The following ZNF208 variants were observed in gnomAD, a reference collection of about 807,000 sequenced individuals.
ZNF208 encodes zinc finger protein 208.
ZNF208 carries 10 observed loss-of-function variants against 12.1 expected under a neutral mutation model. That is an observed-to-expected ratio of 0.83 (90% CI 0.51 to 1.40). The LOEUF is 1.40. Ranked by LOEUF, ZNF208 falls within the 40% of genes most tolerant of loss-of-function variation. The pLI is 0.00. For synonymous variants in ZNF208, 497 were observed against 488.4 expected (o/e 1.02, Z -0.23); for missense variants, 1,652 against 1,485.0 (o/e 1.11, Z -1.85).
rs1431924028 is a variant in ZNF208, at chr19:21,960,667, A to G, written c.305+14062T>C. ...GTCACCCCACCTATCCTGAATGTCA[A>G]GAACATCCTGAATGAGACCAGTCAG... On this transcript the variant is annotated intron_variant, in intron 4 of 4. Transcript: ENST00000599916. 8.5e-5 allele frequency among the ~76,000 whole-genome samples: 13 copies of G among 152,276 alleles called. No individual in the cohort carries two copies. In the East Asian group the frequency reaches 2.5e-3, roughly 29 times the overall value.
chr19:21,953,977 T>C (rs1969931402), intron 4 of ZNF208, among the ~76,000 whole-genome samples: 1 of 152,242 alleles, frequency 6.6e-6, no homozygotes, highest in Admixed American at 6.5e-5. Flanking sequence ...CATTTAGTGC[T>C]ATAAATTTCC....
intron 1 of ZNF208, chr19:21,991,884 T>C (rs1454148972): frequency 1.3e-5 from 2 of 151,786 alleles, no homozygotes; most frequent in Admixed American, 6.6e-5. Flanking sequence ...ATCCTGTTAA[T>C]GCAGATTTTT....
At chr19:21,951,696 A>G (rs1312417724) in intron 4 of ZNF208, among the ~76,000 whole-genome samples, 1 of 152,242 alleles carries the variant, frequency 6.6e-6, no homozygotes, top group Non-Finnish European at 1.5e-5. Context: ...ATGGCCAAAT[A>G]GGAAGAGCTC....
At chr19:21,962,071 G>A (rs566572663), downstream of ZNF208, among the ~76,000 whole-genome samples, 5 of 152,256 alleles carry the variant, frequency 3.3e-5, no homozygotes, top group South Asian at 8.3e-4. Flanking sequence ...CACAATTGAT[G>A]TTCAGAGATT....
At chr19:22,001,937 A>AAAAAAAAAAAAAAAAT (rs1970961781) in intron 1 of ZNF208, among the ~76,000 whole-genome samples, 1 of 149,972 alleles carries the variant, frequency 6.7e-6, no homozygotes, top group Non-Finnish European at 1.5e-5. Flanking sequence ...AAGAAAAGAA[A>AAAAAAAAAAAAAAAAT]AGAAATCTTC....
At chr19:22,005,476 A>T (rs2145586704) in intron 1 of ZNF208, among the ~76,000 whole-genome samples, 1 of 152,196 alleles carries the variant, frequency 6.6e-6, no homozygotes, top group South Asian at 2.1e-4. Flanking sequence ...CTGGCACCAA[A>T]TCTGCAGAGT....
At chr19:21,997,482 C>T (rs1009521778) in intron 1 of ZNF208, among the ~76,000 whole-genome samples, 39 of 152,204 alleles carry the variant, frequency 2.6e-4, no homozygotes, top group East Asian at 7.7e-4. Context: ...CTCTCTACTC[C>T]CTGAGCACTG....
rs1247191425 is a variant in ZNF208, at chr19:21,972,286, G to A, written c.2748C>T (p.Pro916=). Residue 916 remains proline, a synonymous_variant, in exon 4 of 4, where the codon CCC becomes CCT. Transcript: ENST00000397126. ...KHEVIHTGEK[P]YKCEECGKAF... The stretch of plus-strand genomic sequence containing the variant: ...CTTTGCCACATTCTTCACATTTGTA[G>A]GGTTTCTCTCCAGTATGAATTACCT... 2 of 1,613,668 alleles carry A rather than the reference G, an allele frequency of 1.2e-6. No homozygotes were observed. The highest frequency in any genetic ancestry group is 1.7e-6 in the Non-Finnish European group (2 of 1,179,890).
Position 21,971,396 on chromosome 19 carries a change from C to T in ZNF208, c.3638G>A (p.Arg1213Lys). The change falls in exon 4 of 4, where the codon AGA becomes AAA. Residue 1213 changes from arginine to lysine, a missense_variant. Around this residue, in one of 3 missense-constraint regions of ZNF208, gnomAD observed 1,239 missense variants for 1,086.2 expected, o/e 1.14. Transcript: ENST00000397126. ...TCCAGTATGAATTTTCTTGTGATAT[C>T]TAAGGGTTGAGGGCCACTTATAGGC... ...GKAYKWPSTL[R>K]YHKKIHTGEK... is the part of the protein sequence containing the mutation. 6.2e-7 allele frequency: 1 copy of T among 1,606,290 alleles called. No individual in the cohort carries two copies. Among genetic ancestry groups the T allele is most frequent in the South Asian group, 1.1e-5 (1 of 90,770 alleles).
chr19:21,959,928 A>C (rs1402021530), intron 4 of ZNF208, among the ~76,000 whole-genome samples: 1 of 152,204 alleles, frequency 6.6e-6, no homozygotes, highest in Non-Finnish European at 1.5e-5. Context: ...ATTTTCAAAA[A>C]AATTTGAGCT....
chr19:22,005,691 T>C (rs1439896719), intron 1 of ZNF208, among the ~76,000 whole-genome samples: 1 of 152,142 alleles, frequency 6.6e-6, no homozygotes, highest in Non-Finnish European at 1.5e-5. Flanking sequence ...CTTTTTGAAA[T>C]TCAATAACCT....
chr19:21,945,048 A>G (rs989030901), intron 4 of ZNF208, among the ~76,000 whole-genome samples: 16 of 152,352 alleles, frequency 1.1e-4, no homozygotes, highest in African/African-American at 3.6e-4. Context: ...ATAATAGTAA[A>G]AAGCACACCT....
In ZNF208 at chr19:21,973,814, C is replaced by G; in HGVS notation, c.1220G>C (p.Ser407Thr). The G allele has an allele frequency of 6.2e-7, 1 of 1,604,842 alleles. No homozygotes were observed. The change falls in exon 4 of 4, where the codon AGT (serine) becomes ACT (threonine). Residue 407 changes from serine to threonine, a missense_variant. By Grantham distance (58) the Ser-to-Thr change is moderately conservative. This residue lies in a region of ZNF208 where 1,239 missense variants were observed against 1,086.2 expected (regional missense o/e 1.14). Coordinates refer to ENST00000397126, the MANE Select transcript of ZNF208 (RefSeq NM_007153.3). ...ATGTTTAGTAAGGATTGAGAACATA[C>G]TAAAACCTTTGCCACATTCTTCACA... Reference protein sequence around the residue: ...YKCEECGKGFSMFSILTKHEV... With the variant: ...YKCEECGKGFTMFSILTKHEV...
chr19:21,980,952 G>A (rs1970526629), intron 3 of ZNF208, among the ~76,000 whole-genome samples: 1 of 152,006 alleles, frequency 6.6e-6, no homozygotes, highest in African/African-American at 2.4e-5. Context: ...AAATAAACTA[G>A]AAAATCTAAA....
intron 1 of ZNF208, chr19:21,991,851 TTAATG>T (rs1283358996): frequency 6.6e-6 from 1 of 152,170 alleles, no homozygotes; most frequent in Non-Finnish European, 1.5e-5. Context: ...CACTCAAATT[TTAATG>T]TGTACAACAA....
At position 21,972,058 on chromosome 19, in the gene ZNF208, C is replaced by T. The variant is rs763902756; in HGVS notation, c.2976G>A (p.Lys992=). The T allele has an allele frequency of 9.3e-6, 15 of 1,613,696 alleles. No individual in the cohort carries two copies. The East Asian group carries it at 3.1e-4, about 34-fold the overall frequency. The change falls in exon 4 of 4, where the codon AAG becomes AAA. Residue 992 remains lysine (K), a synonymous_variant. Coordinates refer to ENST00000397126, the MANE Select transcript of ZNF208 (RefSeq NM_007153.3). ...AGGGTTTCTCTCCAGTATGAATTACCTTATGTTTAGTAAGGATTGAGAATG... is the reference window on the plus strand; with the variant it reads ...AGGGTTTCTCTCCAGTATGAATTACTTTATGTTTAGTAAGGATTGAGAATG... ...FSTFSILTKH[K]VIHTGEKPYK... is the part of the protein sequence containing the mutation.
intron 4 of ZNF208, among the ~76,000 whole-genome samples, chr19:21,954,991 A>G (rs895528061): frequency 1.3e-5 from 2 of 152,130 alleles, no homozygotes; most frequent in Admixed American, 1.3e-4. Flanking sequence ...TTTTATGTTT[A>G]GTGCTTCCTT....
At chr19:22,003,358 A>G (rs1402694894) in intron 1 of ZNF208, among the ~76,000 whole-genome samples, 1 of 152,164 alleles carries the variant, frequency 6.6e-6, no homozygotes, top group Non-Finnish European at 1.5e-5. Context: ...AAACTTTTTC[A>G]CAGCAAAGGA....
chr19:21,992,727 C>T (rs988656796), intron 1 of ZNF208, among the ~76,000 whole-genome samples: 5 of 151,966 alleles, frequency 3.3e-5, no homozygotes, highest in Admixed American at 2.6e-4. Flanking sequence ...TAGAAGAAGC[C>T]GTAATATAGA....
Sources: allele counts gnomAD v4.1 joint callset (sites outside exome capture counted in the v4.1 genomes callset), GRCh38; gene constraint gnomAD v4.1.1; regional missense constraint gnomAD v4.1.1; transcripts MANE v1.5; gene names NCBI Gene and HGNC (gene_info 2026-07-23, HGNC 2026-07-21).